MAJIN: variants seen among roughly 807,000 people sequenced by gnomAD.
The protein encoded by MAJIN is membrane anchored junction protein, also known as membrane-anchored junction protein.
A neutral mutation model predicts 30.2 loss-of-function variants in MAJIN; 27 were observed. The ratio of observed to expected loss-of-function variants is 0.89; its 90% CI spans 0.66 to 1.23. The LOEUF is 1.23. Ranked by LOEUF, MAJIN falls within the 50% of genes most tolerant of loss-of-function variation. The pLI is 0.00. For missense variants in MAJIN, 253 were observed against 260.3 expected (o/e 0.97, Z 0.19); for synonymous variants, 78 against 91.6 (o/e 0.85, Z 0.85).
intron 4 of MAJIN, chr11:64,954,492 G>C (rs1293042693): frequency 1.1e-5 from 6 of 541,284 alleles, no homozygotes; most frequent in African/African-American, 1.9e-5. Flanking sequence ...CAACAAAAGA[G>C]AGCTGCCCAA....
intron 1 of MAJIN, among the ~76,000 whole-genome samples, chr11:64,962,704 A>G (rs1287953740): frequency 2.0e-5 from 3 of 152,204 alleles, no homozygotes; most frequent in Non-Finnish European, 4.4e-5. Context: ...GGGGATTCCA[A>G]CGACCCCTGG....
At chr11:64,953,204 G>A (rs912575203) in intron 4 of MAJIN, among the ~76,000 whole-genome samples, 3 of 152,148 alleles carry the variant, frequency 2.0e-5, no homozygotes, top group Non-Finnish European at 4.4e-5. Context: ...CCTCAGTCTT[G>A]AAACAGGCCT....
At chr11:64,969,646 A>G (rs112780085) in intron 1 of MAJIN, among the ~76,000 whole-genome samples, 6,941 of 152,154 alleles carry the variant, frequency 0.046, 183 homozygotes, top group Middle Eastern at 0.065. Context: ...ACAAAAGGTG[A>G]ACTGATTTGG....
chr11:64,971,661 G>A (rs1041442775), intron 1 of MAJIN, among the ~76,000 whole-genome samples: 4 of 152,070 alleles, frequency 2.6e-5, no homozygotes, highest in Non-Finnish European at 5.9e-5. Flanking sequence ...CTCCGGTCCC[G>A]CGGCCTCCCC....
At chr11:64,943,669 T>C (rs1475960690) in intron 8 of MAJIN, among the ~76,000 whole-genome samples, 1 of 152,202 alleles carries the variant, frequency 6.6e-6, no homozygotes, top group Non-Finnish European at 1.5e-5. Flanking sequence ...TTCCTTTTAC[T>C]AGAGTTTTTT....
intron 9 of MAJIN, among the ~76,000 whole-genome samples, chr11:64,940,251 GAAACAC>G (rs1346505756): frequency 1.3e-5 from 2 of 152,156 alleles, no homozygotes; most frequent in African/African-American, 4.8e-5. Context: ...ACAGAAAAGG[GAAACAC>G]AACCCTCTCA....
At chr11:64,970,628 G>A (rs989958521) in intron 1 of MAJIN, among the ~76,000 whole-genome samples, 4 of 151,458 alleles carry the variant, frequency 2.6e-5, no homozygotes, top group Admixed American at 2.0e-4. Flanking sequence ...GCCTCCCAAA[G>A]TGCTGGGATT....
chr11:64,946,003 A>G (rs999621363), intron 8 of MAJIN: 9 of 1,302,624 alleles, frequency 6.9e-6, no homozygotes, highest in Non-Finnish European at 8.2e-6. Context: ...TGTGCTGGTA[A>G]CCGGAATCCT....
intron 9 of MAJIN, 139 bp from the exon 10 acceptor site, chr11:64,939,906 T>C: frequency 1.5e-6 from 1 of 656,928 alleles, no homozygotes; most frequent in Non-Finnish European, 2.5e-6. Context: ...TTGTTTGTTC[T>C]GACCTTCCCA....
chr11:64,966,929 CAAA>C (rs111480545), intron 1 of MAJIN, among the ~76,000 whole-genome samples: 4 of 69,552 alleles, frequency 5.8e-5, no homozygotes, highest in Non-Finnish European at 5.8e-5. Context: ...ATGACTGTCT[CAAA>C]AAAAAAAAAA....
At chr11:64,961,419 G>A (rs189800378) in intron 1 of MAJIN, among the ~76,000 whole-genome samples, 187 of 148,048 alleles carry the variant, frequency 1.3e-3, no homozygotes, top group Admixed American at 2.3e-3. Context: ...TGCCTGCTTC[G>A]TCCTCCCAAA....
Position 64,959,411 on chromosome 11 carries a change from C to T in MAJIN, c.-6G>A, listed in dbSNP as rs763223170. On this transcript the variant is annotated 5_prime_UTR_variant, in exon 3 of 11. Transcript: ENST00000301896. Reference sequence around the variant, plus strand: ...GTAAAGGGTTTTAAACTCATTGCTCCCAAACGATAGCCTAAATAAAATAGA... The same window carrying T: ...GTAAAGGGTTTTAAACTCATTGCTCTCAAACGATAGCCTAAATAAAATAGA... 2.5e-6 allele frequency: 4 copies of T among 1,607,340 alleles called. No homozygotes were observed. The South Asian group carries it at 4.4e-5, about 18-fold the overall frequency.
chr11:64,964,711 C>T (rs575135515), intron 1 of MAJIN, among the ~76,000 whole-genome samples: 27 of 151,836 alleles, frequency 1.8e-4, no homozygotes, highest in Non-Finnish European at 2.6e-4. Context: ...CTCGGCGTCT[C>T]GAGTAGCTTG....
At position 64,949,747 on chromosome 11, in the gene MAJIN, T is replaced by C. The variant is rs762748424; in HGVS notation, c.345A>G (p.Ser115=). 1 of 1,612,932 alleles carries C rather than the reference T, an allele frequency of 6.2e-7. No individual in the cohort carries two copies. Among genetic ancestry groups the C allele is most frequent in the Admixed American group, 1.7e-5 (1 of 60,002 alleles). Residue 115 remains serine, a synonymous_variant, in exon 6 of 11, where the codon TCA becomes TCG. Coordinates refer to ENST00000301896, the MANE Select transcript of MAJIN (RefSeq NM_001037225.3). ...VEMKWFHENL[S]PGKPISDSPL... The stretch of plus-strand genomic sequence containing the variant: ...CATTCACATCATTCCACTTACCAGG[T>C]GACAGGTTTTCATGGAACCATTTCA...
chr11:64,963,665 C>A (rs1945762075), intron 1 of MAJIN, among the ~76,000 whole-genome samples: 1 of 152,164 alleles, frequency 6.6e-6, no homozygotes. Context: ...TGGTGAAACC[C>A]TGTCTTTACT....
chr11:64,956,955 T>C (rs2136784001), intron 3 of MAJIN, among the ~76,000 whole-genome samples: 1 of 152,074 alleles, frequency 6.6e-6, no homozygotes, highest in South Asian at 2.1e-4. Flanking sequence ...TTAGTAGAGA[T>C]GGGGTTTCAC....
At chr11:64,944,809 A>C (rs1337685897) in intron 8 of MAJIN, among the ~76,000 whole-genome samples, 1 of 152,212 alleles carries the variant, frequency 6.6e-6, no homozygotes, top group African/African-American at 2.4e-5. Context: ...AGAGAAAAAA[A>C]GGAAGGATCT....
At position 64,959,383 on chromosome 11, in the gene MAJIN, T is replaced by C. The variant is rs1471756429; in HGVS notation, c.23A>G (p.Tyr8Cys). The C allele has an allele frequency of 1.6e-5, 26 of 1,613,782 alleles. No individual in the cohort carries two copies. The East Asian group carries it at 5.3e-4, about 33-fold the overall frequency. MSLKPFT[Y>C]PFPETRFLHA... ...AAGAAACCTCGTCTCTGGAAACGGG[T>C]AGGTAAAGGGTTTTAAACTCATTGC... Residue 8 changes from tyrosine (Y) to cysteine (C), a missense_variant, in exon 3 of 11, where the codon TAC (tyrosine) becomes TGC (cysteine). Coordinates refer to ENST00000301896, the MANE Select transcript of MAJIN (RefSeq NM_001037225.3).
chr11:64,950,559 G>T, intron 4 of MAJIN, 129 bp from the exon 5 acceptor site: 2 of 748,530 alleles, frequency 2.7e-6, no homozygotes, highest in African/African-American at 1.8e-5. Flanking sequence ...TTTAACACGT[G>T]TTCTGATTCT....
Sources: gnomAD v4.1 joint callset for allele counts (sites outside exome capture counted in the v4.1 genomes callset) on GRCh38, gnomAD v4.1.1 for gene constraint, MANE v1.5 for transcripts, NCBI Gene and HGNC (gene_info 2026-07-23, HGNC 2026-07-21) for gene names.